Variants in RAD51AP2 observed in about 807,000 individuals in gnomAD.
RAD51AP2 encodes RAD51 associated protein 2, also known as RAD51-associated protein 2.
In RAD51AP2, 67 loss-of-function variants were observed where a neutral mutation model predicts 85.5. That is an observed-to-expected ratio of 0.78 (90% CI 0.64 to 0.96). The LOEUF (loss-of-function observed/expected upper bound fraction) is 0.96, where lower values mean the gene tolerates loss of function less well. RAD51AP2 is among the 40% of genes least tolerant of loss of function. The probability of loss-of-function intolerance (pLI) is 0.00; values close to 1 mark genes in which losing one functional copy is unlikely to be tolerated. For missense variants in RAD51AP2, 1,307 were observed against 1,332.4 expected (o/e 0.98, Z 0.30); for synonymous variants, 474 against 446.5 (o/e 1.06, Z -0.78).
chr2:17,527,578 G>A, the RAD51AP2 span, among the ~76,000 whole-genome samples: 3 of 152,130 alleles, frequency 2.0e-5, no homozygotes, highest in African/African-American at 7.2e-5. Context: ...TTGTAGTATC[G>A]GCCACAGGAA....
rs1476388498 is a variant in RAD51AP2 at position 17,515,746 on chromosome 2, A to C, written c.2670T>G (p.Tyr890Ter). 1.9e-6 allele frequency: 3 copies of C among 1,597,222 alleles called. No homozygotes were observed. The highest frequency in any genetic ancestry group is 1.7e-5 in the Admixed American group (1 of 57,566). Reference sequence around the variant, plus strand: ...TATTTGTTACATAATTTTGATTAACATATTTATTTTCTTCCACATTTACTT... The same window carrying C: ...TATTTGTTACATAATTTTGATTAACCTATTTATTTTCTTCCACATTTACTT... Reference protein sequence around the residue: ...SKEVNVEENKYVNQNYVTNTN... With the variant: ...SKEVNVEENK Residue 890 changes from tyrosine to a stop codon, truncating the protein, a stop_gained, in exon 1 of 3, where the codon TAT becomes TAG. Transcript: ENST00000399080. LOFTEE classifies it high-confidence loss of function.
the RAD51AP2 span, among the ~76,000 whole-genome samples, chr2:17,532,093 G>A: frequency 6.6e-6 from 1 of 152,042 alleles, no homozygotes; most frequent in Admixed American, 6.6e-5. Flanking sequence ...TTCTATTATC[G>A]CACTGCCAGA....
At chr2:17,528,792 C>A in the RAD51AP2 span, among the ~76,000 whole-genome samples, 348 of 152,114 alleles carry the variant, frequency 2.3e-3, 3 homozygotes, top group African/African-American at 8.2e-3. Context: ...TGTAGTGAGC[C>A]GTGATTGTAC....
Position 17,516,632 on chromosome 2 carries a change from G to A in RAD51AP2, c.1784C>T (p.Thr595Ile). The A allele has an allele frequency of 6.4e-7, 1 of 1,573,422 alleles. No individual in the cohort carries two copies. The highest frequency in any genetic ancestry group is 8.6e-7 in the Non-Finnish European group (1 of 1,162,854). The part of the protein sequence containing the change: ...AFLLNNFDSL[T>I]RIENDFELEE... ...TAATTCAAAATCATTTTCAATTCTT[G>A]TTAAAGAGTCAAAGTTATTGAGCAA... Residue 595 changes from threonine (T) to isoleucine (I), a missense_variant, in exon 1 of 3, where the codon ACA (threonine) becomes ATA (isoleucine). Thr to Ile is a moderately conservative substitution (Grantham distance 89). This residue lies in a region of RAD51AP2 where 668 missense variants were observed against 671.0 expected (regional missense o/e 1.00). Coordinates refer to ENST00000399080, the MANE Select transcript of RAD51AP2 (RefSeq NM_001099218.3).
the RAD51AP2 span, among the ~76,000 whole-genome samples, chr2:17,528,693 A>G: frequency 1.3e-5 from 2 of 152,122 alleles, no homozygotes; most frequent in Admixed American, 6.6e-5. Flanking sequence ...AATTTTAAAA[A>G]TTAGCCTGGC....
chr2:17,516,665 A>G lies in RAD51AP2; in HGVS notation c.1751T>C (p.Ile584Thr). ...EPLDILLKTNIAFLLNNFDSL... is the reference protein window; with the variant it reads ...EPLDILLKTNTAFLLNNFDSL... The stretch of plus-strand genomic sequence containing the variant: ...GTCAAAGTTATTGAGCAAAAAAGCT[A>G]TGTTAGTTTTCAATAGAATATCTAA... Residue 584 changes from isoleucine to threonine, a missense_variant, in exon 1 of 3, where the codon ATA (isoleucine) becomes ACA (threonine). By Grantham distance (89) the Ile-to-Thr change is moderately conservative. Coordinates refer to ENST00000399080, the MANE Select transcript of RAD51AP2 (RefSeq NM_001099218.3). 2 of 1,570,842 alleles carry G rather than the reference A, an allele frequency of 1.3e-6. No homozygotes were observed. The highest frequency in any genetic ancestry group is 1.4e-5 in the African/African-American group (1 of 72,976).
At chr2:17,525,268 A>G in the RAD51AP2 span, among the ~76,000 whole-genome samples, 1 of 152,090 alleles carries the variant, frequency 6.6e-6, no homozygotes, top group Non-Finnish European at 1.5e-5. Context: ...GGTTTGGTAT[A>G]TTCCACATAA....
chr2:17,515,411 C>T lies in RAD51AP2; in HGVS notation c.3005G>A (p.Gly1002Glu), dbSNP rs1056014297. 12 of 1,612,110 alleles carry T rather than the reference C, an allele frequency of 7.4e-6. No individual in the cohort carries two copies. Among genetic ancestry groups the T allele is most frequent in the Non-Finnish European group, 1.0e-5 (12 of 1,179,548 alleles). The change falls in exon 1 of 3, where the codon GGA (glycine) becomes GAA (glutamate). Residue 1002 changes from glycine to glutamate, a missense_variant. Transcript: ENST00000399080. ...ETNNGQENYF[G>E]ENDAEKVKME... ...TTTTACCTTCTCAGCATCATTTTCT[C>T]CAAAGTAATTTTCTTGCCCATTGTT... is the stretch of plus-strand genomic sequence containing the variant.
At chr2:17,522,435 T>A (rs1363128705), upstream of RAD51AP2, among the ~76,000 whole-genome samples, 1 of 152,044 alleles carries the variant, frequency 6.6e-6, no homozygotes, top group Non-Finnish European at 1.5e-5. Context: ...CAGTTTTATT[T>A]GCTAACCTTT....
chr2:17,517,318 A>G lies in RAD51AP2; in HGVS notation c.1098T>C (p.Asn366=). The change falls in exon 1 of 3, where the codon AAT becomes AAC. Residue 366 remains asparagine, a synonymous_variant. Transcript: ENST00000399080. The stretch of plus-strand genomic sequence containing the variant: ...AATTTGCATTTTCTAGTATAGCGAA[A>G]TTCTTTCTAGAGTCTCTTACATTAC... ...IQCNVRDSRK[N]FAILENANWE... The G allele has an allele frequency of 1.9e-6, 3 of 1,613,992 alleles. No homozygotes were observed. Among genetic ancestry groups the G allele is most frequent in the Non-Finnish European group, 2.5e-6 (3 of 1,179,948 alleles).
At chr2:17,520,463 T>C (rs1420390645), upstream of RAD51AP2, among the ~76,000 whole-genome samples, 4 of 152,162 alleles carry the variant, frequency 2.6e-5, no homozygotes, top group Non-Finnish European at 5.9e-5. Flanking sequence ...TATTTTTCTA[T>C]ATCACTTTAC....
chr2:17,512,545 A>G (rs1310300066), intron 2 of RAD51AP2, among the ~76,000 whole-genome samples: 1 of 152,226 alleles, frequency 6.6e-6, no homozygotes, highest in African/African-American at 2.4e-5. Flanking sequence ...TTTCAAACAA[A>G]TGTAATGATT....
chr2:17,534,922 A>T, the RAD51AP2 span, among the ~76,000 whole-genome samples: 1 of 152,222 alleles, frequency 6.6e-6, no homozygotes, highest in Non-Finnish European at 1.5e-5. Flanking sequence ...AATCAAAATG[A>T]TTCGAGAGTT....
At chr2:17,525,225 T>C in the RAD51AP2 span, among the ~76,000 whole-genome samples, 1 of 152,030 alleles carries the variant, frequency 6.6e-6, no homozygotes, top group Admixed American at 6.6e-5. Flanking sequence ...GAATGTAGTA[T>C]GTATCCCAGG....
Position 17,515,596 on chromosome 2 carries a change from A to G in RAD51AP2, c.2820T>C (p.Asp940=), listed in dbSNP as rs1470223313. The G allele has an allele frequency of 1.9e-6, 3 of 1,610,366 alleles. No homozygotes were observed. The highest frequency in any genetic ancestry group is 2.2e-5 in the East Asian group (1 of 44,810). ...TAGCAGCTAAGTCCTGAAAACATTC[A>G]TCATTCCCTTCACTCAGACCAGTTT... is the stretch of plus-strand genomic sequence containing the variant. ...QFETGLSEGN[D]ECFQDLAAKY... is the part of the protein sequence containing the mutation. Residue 940 remains aspartate, a synonymous_variant, in exon 1 of 3, where the codon GAT becomes GAC. Transcript: ENST00000399080.
Position 17,517,914 on chromosome 2 carries a change from G to A in RAD51AP2, c.502C>T (p.His168Tyr). The change falls in exon 1 of 3, where the codon CAT (histidine) becomes TAT (tyrosine). Residue 168 changes from histidine to tyrosine, a missense_variant. Transcript: ENST00000399080. ...TTTCGATTCTCATTTCTAATTCCAT[G>A]TATATCGTGTATAGAGGTGCTGGGC... ...LLPSTSIHDIHGIRNENRKQQ... is the reference protein window; with the variant it reads ...LLPSTSIHDIYGIRNENRKQQ... The A allele has an allele frequency of 1.9e-6, 3 of 1,614,104 alleles. No homozygotes were observed. The highest frequency in any genetic ancestry group is 2.5e-6 in the Non-Finnish European group (3 of 1,180,008).
At position 17,515,963 on chromosome 2, in the gene RAD51AP2, CA is replaced by C. The variant is rs1237630489; in HGVS notation, c.2452del (p.Trp818GlyfsTer4). On this transcript the variant is annotated frameshift_variant, in exon 1 of 3. Transcript: ENST00000399080. LOFTEE classifies it high-confidence loss of function. ...TTCTTCTATTTCACTTAGCAAGTTCCAAAAATTTAGTACTTGAGTTATAGAA... is the reference window on the plus strand; with the variant it reads ...TTCTTCTATTTCACTTAGCAAGTTCCAAAATTTAGTACTTGAGTTATAGAA... ...TTSITQVLNF[W>X]NLLSEIEEKK... The C allele has an allele frequency of 2.5e-6, 4 of 1,607,550 alleles. No homozygotes were observed. Among genetic ancestry groups the C allele is most frequent in the Admixed American group, 1.7e-5 (1 of 58,678 alleles).
the RAD51AP2 span, among the ~76,000 whole-genome samples, chr2:17,530,379 G>A: frequency 3.3e-5 from 5 of 151,894 alleles, no homozygotes; most frequent in African/African-American, 1.2e-4. Context: ...GGCAGCTTTC[G>A]AGAGGCACTG....
the RAD51AP2 span, among the ~76,000 whole-genome samples, chr2:17,528,022 T>C: frequency 6.6e-6 from 1 of 152,216 alleles, no homozygotes; most frequent in African/African-American, 2.4e-5. Context: ...ATTTATACTC[T>C]GTTCTACTTA....
Sources: allele counts gnomAD v4.1 joint callset (sites outside exome capture counted in the v4.1 genomes callset), GRCh38; gene constraint gnomAD v4.1.1; regional missense constraint gnomAD v4.1.1; transcripts MANE v1.5; gene names NCBI Gene and HGNC (gene_info 2026-07-23, HGNC 2026-07-21).